Variants in PHKB observed in about 807,000 individuals in gnomAD.
The protein encoded by PHKB is phosphorylase kinase regulatory subunit beta, also known as phosphorylase b kinase regulatory subunit beta.
PHKB carries 122 observed loss-of-function variants against 152.1 expected under a neutral mutation model. The observed-to-expected ratio is 0.80, with a 90% CI of 0.69 to 0.93. The LOEUF is 0.93. Among genes scored for constraint, PHKB ranks in the 40% least tolerant of loss-of-function variants. PHKB has a pLI of 0.00. For synonymous variants in PHKB, 436 were observed against 464.9 expected, an observed-to-expected ratio of 0.94 and a Z score of 0.80; for missense variants, 1,304 against 1,328.4, an observed-to-expected ratio of 0.98 and a Z score of 0.29.
At chr16:47,558,071 CATGTCCTTTGTA>C (rs1406544267) in intron 7 of PHKB, among the ~76,000 whole-genome samples, 7 of 151,172 alleles carry the variant, frequency 4.6e-5, no homozygotes, top group African/African-American at 1.7e-4. Context: ...ATGATGAGTT[CATGTCCTTTGTA>C]GGGACATGGA....
rs563190230 is a variant in PHKB, at chr16:47,604,460, G to GTA, written c.1364-6363_1364-6362dup. Among the ~76,000 whole-genome samples, 15 of 152,102 alleles carry GTA rather than the reference G, an allele frequency of 9.9e-5. 1 individual carries two copies. The South Asian group carries it at 3.1e-3, about 32-fold the overall frequency. On this transcript the variant is annotated intron_variant, in intron 13 of 30. Coordinates refer to ENST00000323584, the MANE Select transcript of PHKB (RefSeq NM_000293.3). Reference sequence around the variant, plus strand: ...ACACACATGTATTTGGAATTTTCTGGTATAATATGAGGTTAAGGATCTGCA... The same window carrying GTA: ...ACACACATGTATTTGGAATTTTCTGGTATATAATATGAGGTTAAGGATCTGCA...
chr16:47,664,804 C>T (rs1973508483), intron 24 of PHKB, 81 bp from the exon 25 acceptor site: 1 of 835,830 alleles, frequency 1.2e-6, no homozygotes, highest in Admixed American at 2.0e-5. Flanking sequence ...ATTTAGAATG[C>T]TGACTGTTAT....
At chr16:47,664,057 G>C in intron 24 of PHKB, 1 of 326,856 alleles carries the variant, frequency 3.1e-6, no homozygotes. Context: ...TAGGAAACCT[G>C]TTCTGCTATT....
intron 26 of PHKB, among the ~76,000 whole-genome samples, chr16:47,673,548 C>T (rs1022321701): frequency 7.2e-5 from 11 of 152,210 alleles, no homozygotes; most frequent in Middle Eastern, 6.8e-3. Context: ...CTTTTCTCCA[C>T]GGAGTTATTA....
At chr16:47,532,662 C>T (rs1428089777) in intron 6 of PHKB, among the ~76,000 whole-genome samples, 1 of 152,242 alleles carries the variant, frequency 6.6e-6, no homozygotes, top group East Asian at 1.9e-4. Flanking sequence ...GCAGCTTCCA[C>T]AGCTGGCACT....
chr16:47,588,967 T>C lies in PHKB; in HGVS notation c.933T>C (p.Val311=), dbSNP rs759241729. 6.2e-7 allele frequency: 1 copy of C among 1,614,048 alleles called. No homozygotes were observed. Among genetic ancestry groups the C allele is most frequent in the Non-Finnish European group, 8.5e-7 (1 of 1,179,934 alleles). Residue 311 remains valine, a synonymous_variant, in exon 10 of 31, where the codon GTT becomes GTC. Transcript: ENST00000323584. ...SYPAFALDDE[V]LFSQTLDKVV... ...CTGCATTTGCCCTGGATGATGAAGTTCTTTTTAGCCAGACACTTGATAAAG... is the reference window on the plus strand; with the variant it reads ...CTGCATTTGCCCTGGATGATGAAGTCCTTTTTAGCCAGACACTTGATAAAG...
At position 47,661,620 on chromosome 16, in the gene PHKB, G is replaced by A. The variant is rs1597159174; in HGVS notation, c.2197-99G>A. 1.7e-5 allele frequency: 13 copies of A among 773,802 alleles called. No individual in the cohort carries two copies. The South Asian group carries it at 1.8e-4, about 11-fold the overall frequency. The allele number at this position is 773,802 out of a possible 1,614,324, so 47.9% of individuals were successfully genotyped here. A position where few individuals can be genotyped will look rare whatever the true frequency, so the allele number is the denominator to read the frequency against. On this transcript the variant is annotated intron_variant, in intron 22 of 30. Transcript: ENST00000323584. ...TCTTCCCTCAGTTACATAGTAAAGT[G>A]TTTCTTCTCTGCATCATGTGGTTTT...
intron 1 of PHKB, among the ~76,000 whole-genome samples, chr16:47,468,478 C>T (rs189788021): frequency 6.6e-6 from 1 of 152,260 alleles, no homozygotes; most frequent in African/African-American, 2.4e-5. Context: ...ATGGTGAAAC[C>T]CTGTCTCTAC....
chr16:47,540,792 C>A (rs1457040775), intron 6 of PHKB, among the ~76,000 whole-genome samples: 2 of 136,322 alleles, frequency 1.5e-5, no homozygotes, highest in African/African-American at 5.4e-5. Flanking sequence ...TCTAATTATT[C>A]TCTTTAGTAT....
chr16:47,648,769 T>C (rs1464015661), intron 17 of PHKB, among the ~76,000 whole-genome samples, 153 bp downstream of exon 17: 2 of 152,220 alleles, frequency 1.3e-5, no homozygotes, highest in African/African-American at 2.4e-5. Context: ...ATTACTTATT[T>C]AGCATCATAT....
chr16:47,490,844 A>T (rs902067641), intron 1 of PHKB, among the ~76,000 whole-genome samples: 10 of 152,000 alleles, frequency 6.6e-5, no homozygotes, highest in African/African-American at 2.4e-4. Flanking sequence ...CCACATAATA[A>T]CCCCCAGAAC....
intron 13 of PHKB, chr16:47,597,816 T>C (rs1395764703): frequency 6.6e-6 from 1 of 151,618 alleles, no homozygotes; most frequent in East Asian, 1.9e-4. Flanking sequence ...ACTCTACCTC[T>C]ATCCTGATGT....
chr16:47,640,398 G>A (rs553453879), intron 14 of PHKB, among the ~76,000 whole-genome samples: 16 of 152,168 alleles, frequency 1.1e-4, no homozygotes, highest in Admixed American at 7.8e-4. Context: ...ATGTTATAGC[G>A]AATCTTTATC....
At chr16:47,613,401 T>C (rs565186326) in intron 14 of PHKB, among the ~76,000 whole-genome samples, 10 of 152,258 alleles carry the variant, frequency 6.6e-5, no homozygotes, top group African/African-American at 2.4e-4. Context: ...CTTCATTGTG[T>C]ATAGTTTTTA....
At chr16:47,552,831 A>ACG (rs1971297332) in intron 7 of PHKB, among the ~76,000 whole-genome samples, 2 of 149,780 alleles carry the variant, frequency 1.3e-5, no homozygotes, top group African/African-American at 5.0e-5. Context: ...ACACACACAC[A>ACG]CCAAAAAACA....
At chr16:47,499,941 G>T in intron 3 of PHKB, 47 bp downstream of exon 3, 1 of 1,609,274 alleles carries the variant, frequency 6.2e-7, no homozygotes, top group Non-Finnish European at 8.5e-7. Context: ...TGGATAATAG[G>T]GTTTTGTAGG....
intron 14 of PHKB, among the ~76,000 whole-genome samples, chr16:47,624,762 A>T (rs1008420908): frequency 6.6e-6 from 1 of 152,110 alleles, no homozygotes; most frequent in Non-Finnish European, 1.5e-5. Context: ...TCCCTTTCAG[A>T]CAGCTTAGAA....
At chr16:47,583,340 G>A (rs1446156776) in intron 8 of PHKB, among the ~76,000 whole-genome samples, 1 of 152,142 alleles carries the variant, frequency 6.6e-6, no homozygotes, top group Non-Finnish European at 1.5e-5. Flanking sequence ...TCTTTTTAGT[G>A]TTTAATCATT....
At chr16:47,521,655 CAAA>C (rs34948954) in intron 6 of PHKB, among the ~76,000 whole-genome samples, 2 of 132,482 alleles carry the variant, frequency 1.5e-5, no homozygotes, top group Admixed American at 7.6e-5. Flanking sequence ...AACTACGTCT[CAAA>C]AAAAAAAAAG....
Sources: gnomAD v4.1 joint callset for allele counts (sites outside exome capture counted in the v4.1 genomes callset) on GRCh38, gnomAD v4.1.1 for gene constraint, MANE v1.5 for transcripts, NCBI Gene and HGNC (gene_info 2026-07-23, HGNC 2026-07-21) for gene names.